The following VIL1 variants were observed in gnomAD, a reference collection of about 807,000 sequenced individuals.
The protein encoded by VIL1 is villin 1, also known as villin-1.
Under a neutral mutation model 104.0 loss-of-function variants are expected in VIL1, and 86 were observed. That is an observed-to-expected ratio of 0.83 (90% CI 0.69 to 0.99). The LOEUF is 0.99. Among genes scored for constraint, VIL1 ranks in the 50% least tolerant of loss-of-function variants. The probability of loss-of-function intolerance (pLI) is 0.00; values close to 1 mark genes in which losing one functional copy is unlikely to be tolerated. For synonymous variants in VIL1, 394 were observed against 412.6 expected (o/e 0.95, Z 0.55); for missense variants, 944 against 1,054.1 (o/e 0.90, Z 1.45).
At chr2:218,433,790 C>T (rs1689138822) in intron 13 of VIL1, among the ~76,000 whole-genome samples, 1 of 152,092 alleles carries the variant, frequency 6.6e-6, no homozygotes, top group East Asian at 1.9e-4. Flanking sequence ...ACTTGTAATC[C>T]CAGCTACTGG....
At chr2:218,421,092 G>C (rs1043446578) in intron 1 of VIL1, among the ~76,000 whole-genome samples, 11 of 152,206 alleles carry the variant, frequency 7.2e-5, no homozygotes, top group Admixed American at 2.0e-4. Context: ...TGGAAGAAAT[G>C]AGATCTAAAT....
intron 9 of VIL1, 109 bp from the exon 10 acceptor site, chr2:218,430,616 G>A (rs962546016): frequency 3.5e-5 from 49 of 1,403,868 alleles, no homozygotes; most frequent in Middle Eastern, 4.5e-4. Context: ...TTTTGGTGCC[G>A]GGGTAGATCT....
At chr2:218,423,718 G>A in intron 1 of VIL1, 50 bp from the exon 2 acceptor site, 2 of 1,588,666 alleles carry the variant, frequency 1.3e-6, no homozygotes, top group African/African-American at 2.7e-5. Context: ...AGGCTGGAAG[G>A]GCAGCATCCG....
At chr2:218,429,729 A>C (rs1477149072) in intron 8 of VIL1, 54 bp downstream of exon 8, 6 of 1,609,866 alleles carry the variant, frequency 3.7e-6, no homozygotes, top group Non-Finnish European at 5.1e-6. Context: ...CCTTTCCCTC[A>C]AGCAGGAAAA....
chr2:218,440,648 T>C (rs915783549), intron 18 of VIL1, 74 bp from the exon 19 acceptor site: 4 of 1,594,630 alleles, frequency 2.5e-6, no homozygotes, highest in Admixed American at 3.4e-5. Flanking sequence ...CCCTAGAGAC[T>C]TCAGAGAGAA....
In VIL1 at chr2:218,428,646, T is replaced by C. The variant is rs1689043406; in HGVS notation, c.567+309T>C. Among the ~76,000 whole-genome samples the C allele has an allele frequency of 2.6e-5, 4 of 152,006 alleles. No homozygotes were observed. The South Asian group carries it at 8.3e-4, about 31-fold the overall frequency. ...GTACATTGACGCTGTGTGTGCACTG[T>C]GAGACTGCAGGCATGTTTGGGTGCA... On this transcript the variant is annotated intron_variant, in intron 6 of 19. Coordinates refer to ENST00000248444, the MANE Select transcript of VIL1 (RefSeq NM_007127.3).
chr2:218,436,701 T>C, intron 16 of VIL1, 75 bp downstream of exon 16: 4 of 1,534,088 alleles, frequency 2.6e-6, no homozygotes, highest in Non-Finnish European at 3.5e-6. Flanking sequence ...GGCTTTAAGG[T>C]TAGGTAAGTG....
In VIL1 at chr2:218,431,840, G is replaced by T. The variant is rs1368785605; in HGVS notation, c.1103-17G>T. ...CTCAGCTGGTGACAGTTGGTTTCAT[G>T]ATTTCCCCCACTCTAGCCAAAGTGG... On this transcript the variant is annotated splice_polypyrimidine_tract_variant and intron_variant, in intron 10 of 19. Transcript: ENST00000248444. 1.0e-5 allele frequency: 16 copies of T among 1,608,006 alleles called. 1 individual carries two copies. Among genetic ancestry groups the T allele is most frequent in the South Asian group, 1.1e-5 (1 of 89,534 alleles).
chr2:218,431,191 G>A, intron 10 of VIL1: 1 of 502,008 alleles, frequency 2.0e-6, no homozygotes, highest in Non-Finnish European at 3.5e-6. Flanking sequence ...CTGAAAAAAA[G>A]AACTAATAAA....
In VIL1 at chr2:218,430,716, C is replaced by T; in HGVS notation, c.949-9C>T. 1 of 1,570,840 alleles carries T rather than the reference C, an allele frequency of 6.4e-7. No homozygotes were observed. The highest frequency in any genetic ancestry group is 1.4e-5 in the African/African-American group (1 of 73,920). On this transcript the variant is annotated splice_polypyrimidine_tract_variant and intron_variant, in intron 9 of 19. Coordinates refer to ENST00000248444, the MANE Select transcript of VIL1 (RefSeq NM_007127.3). ...GTGCATAGCTTCCAGCCACCCCTTTCTCTTCCAGAACTTCATCAAAGCCAA... is the reference window on the plus strand; with the variant it reads ...GTGCATAGCTTCCAGCCACCCCTTTTTCTTCCAGAACTTCATCAAAGCCAA...
At position 218,425,659 on chromosome 2, in the gene VIL1, G is replaced by C. The variant is rs1265235166; in HGVS notation, c.195G>C (p.Trp65Cys). ...ASSLSYDIHY[W>C]IGQDSSLDEQ... is the part of the protein sequence containing the mutation. Reference sequence around the variant, plus strand: ...GCCTGTCCTATGACATCCACTACTGGATTGGCCAGGACTCATCCCTGGATG... The same window carrying C: ...GCCTGTCCTATGACATCCACTACTGCATTGGCCAGGACTCATCCCTGGATG... The change falls in exon 4 of 20, where the codon TGG becomes TGC. Residue 65 changes from tryptophan (W) to cysteine (C), a missense_variant. Transcript: ENST00000248444. 6.2e-7 allele frequency: 1 copy of C among 1,614,202 alleles called. No homozygotes were observed. The highest frequency in any genetic ancestry group is 1.1e-5 in the South Asian group (1 of 91,086).
chr2:218,440,237 T>C (rs896319202), intron 18 of VIL1, among the ~76,000 whole-genome samples: 2 of 152,214 alleles, frequency 1.3e-5, no homozygotes, highest in Non-Finnish European at 2.9e-5. Flanking sequence ...TTTCCACCAA[T>C]GGACTTCGGT....
chr2:218,421,426 G>A (rs2106389119), intron 1 of VIL1, among the ~76,000 whole-genome samples: 1 of 152,296 alleles, frequency 6.6e-6, no homozygotes. Flanking sequence ...GGAAGCCAGT[G>A]AATTAAAACT....
chr2:218,447,413 G>A (rs1689383712), intron 19 of VIL1, among the ~76,000 whole-genome samples: 2 of 152,130 alleles, frequency 1.3e-5, no homozygotes, highest in Admixed American at 1.3e-4. Context: ...TGCCACCTGG[G>A]CTCAAGTGAT....
At chr2:218,428,485 G>T (rs1171748999) in intron 6 of VIL1, 148 bp downstream of exon 6, 7 of 680,446 alleles carry the variant, frequency 1.0e-5, no homozygotes, top group Non-Finnish European at 1.8e-5. Flanking sequence ...CATGCATGTT[G>T]GAGTTTGCGT....
chr2:218,436,666 T>G, intron 16 of VIL1, 40 bp downstream of exon 16: 1 of 1,601,712 alleles, frequency 6.2e-7, no homozygotes, highest in Non-Finnish European at 8.5e-7. Context: ...CCCAGCCACC[T>G]CAATCCCCAG....
At chr2:218,437,729 C>T (rs1563599) in intron 17 of VIL1, among the ~76,000 whole-genome samples, 148,853 of 152,348 alleles carry the variant, frequency 0.98, 72,815 homozygotes, top group East Asian at 1. Flanking sequence ...AGCTGAAACA[C>T]GTTGGTTCTA....
chr2:218,433,072 G>T lies in VIL1; in HGVS notation c.1500+121G>T, dbSNP rs1211911322. The stretch of plus-strand genomic sequence containing the variant: ...GAGGTGAAGCCCATTCTTCATAGGA[G>T]ACTACCCTGGAGGTTCTATCACCTA... On this transcript the variant is annotated intron_variant, in intron 13 of 19. Transcript: ENST00000248444. 4.9e-6 allele frequency: 6 copies of T among 1,225,478 alleles called. No homozygotes were observed. In the South Asian group the frequency reaches 5.7e-5, roughly 12 times the overall value. The allele number at this position is 1,225,478 out of a possible 1,614,324, so 75.9% of individuals were successfully genotyped here.
intron 4 of VIL1, among the ~76,000 whole-genome samples, chr2:218,426,946 T>TG (rs1297029338): frequency 6.6e-6 from 1 of 152,144 alleles, no homozygotes; most frequent in East Asian, 1.9e-4. Flanking sequence ...ACGAAGGTCT[T>TG]GCTCTGTTGC....
Sources: gnomAD v4.1 joint callset for allele counts (sites outside exome capture counted in the v4.1 genomes callset) on GRCh38, gnomAD v4.1.1 for gene constraint, MANE v1.5 for transcripts, NCBI Gene and HGNC (gene_info 2026-07-23, HGNC 2026-07-21) for gene names.